ACVR1: variants seen among roughly 807,000 people sequenced by gnomAD.
ACVR1 encodes activin A receptor type 1, also known as activin receptor type-1.
A neutral mutation model predicts 57.1 loss-of-function variants in ACVR1; 38 were observed. That is an observed-to-expected ratio of 0.67 (90% CI 0.51 to 0.87). The LOEUF (loss-of-function observed/expected upper bound fraction) is 0.87. ACVR1 is among the 40% of genes least tolerant of loss of function. ACVR1 has a pLI of 0.00. For missense variants in ACVR1, 463 were observed against 638.2 expected (o/e 0.73, Z 2.96); for synonymous variants, 212 against 228.1 (o/e 0.93, Z 0.63).
At position 157,796,672 on chromosome 2, in the gene ACVR1, T is replaced by C. The variant is rs72923497; in HGVS notation, c.67+2755A>G. Among the ~76,000 whole-genome samples, 1,244 of 151,194 alleles carry C rather than the reference T, an allele frequency of 8.2e-3. 8 individuals are homozygous for C. Among genetic ancestry groups the C allele is most frequent in the Non-Finnish European group, 0.013 (858 of 67,752 alleles). ...CAATATTCCTTAGATTTTTAAATAA[T>C]AATCATTATTTACCAATTTAAAAGA... On this transcript the variant is annotated intron_variant, in intron 3 of 10. Transcript: ENST00000434821.
intron 3 of ACVR1, among the ~76,000 whole-genome samples, chr2:157,785,526 TC>T (rs1335246434): frequency 1.3e-5 from 2 of 152,104 alleles, no homozygotes; most frequent in Non-Finnish European, 2.9e-5. Flanking sequence ...GACACAAAGG[TC>T]CGTCTGGAAT....
chr2:157,820,497 G>C (rs1245503942), intron 1 of ACVR1, among the ~76,000 whole-genome samples: 2 of 152,146 alleles, frequency 1.3e-5, no homozygotes, highest in African/African-American at 4.8e-5. Context: ...CTGGTAGGAA[G>C]AGGTTTAGAT....
At chr2:157,799,571 C>A (rs1687251082) in intron 2 of ACVR1, 71 bp from the exon 3 acceptor site, 3 of 1,171,312 alleles carry the variant, frequency 2.6e-6, no homozygotes, top group East Asian at 4.7e-5. Context: ...TTAAGCATAC[C>A]ACCTTCAAAC....
Position 157,774,867 on chromosome 2 carries a change from A to T in ACVR1, c.544-680T>A, listed in dbSNP as rs1341861186. The stretch of plus-strand genomic sequence containing the variant: ...TGATCTCAAGGAAAGCAGTAGAGAG[A>T]ATAGCAGGTGGAACAGAAAAGGGTG... On this transcript the variant is annotated intron_variant, in intron 5 of 10. Transcript: ENST00000434821. Among the ~76,000 whole-genome samples the T allele has an allele frequency of 2.0e-5, 3 of 150,940 alleles. No individual in the cohort carries two copies. The East Asian group carries it at 5.9e-4, about 30-fold the overall frequency.
rs576815937 is a variant in ACVR1, at chr2:157,788,229, C to G, written c.68-7629G>C. Among the ~76,000 whole-genome samples, 10 of 152,262 alleles carry G rather than the reference C, an allele frequency of 6.6e-5. No individual in the cohort carries two copies. The South Asian group carries it at 1.5e-3, about 22-fold the overall frequency. On this transcript the variant is annotated intron_variant, in intron 3 of 10. Coordinates refer to ENST00000434821, the MANE Select transcript of ACVR1 (RefSeq NM_001111067.4). ...ACTACAGTAGTCCCCACTTATCCCC[C>G]CTTATGCACCGTTTCACTTTCCACT...
At chr2:157,786,209 T>C (rs543787320) in intron 3 of ACVR1, among the ~76,000 whole-genome samples, 2 of 152,356 alleles carry the variant, frequency 1.3e-5, no homozygotes, top group Middle Eastern at 3.4e-3. Context: ...GCTACAGCCA[T>C]ACTTGTGTCT....
At position 157,866,444 on chromosome 2, in the gene ACVR1, C is replaced by CGGGG. The variant is rs568810076; in HGVS notation, c.-183+9348_-183+9351dup. ...TCCTAAGCAAACAAGCCAAGGGAGG[C>CGGGG]GGGGGGGAAAGCTTCTCTGAATTTG... On this transcript the variant is annotated intron_variant, in intron 1 of 10. Transcript: ENST00000434821. Among the ~76,000 whole-genome samples, 23 of 151,784 alleles carry CGGGG rather than the reference C, an allele frequency of 1.5e-4. 1 individual carries two copies. The East Asian group carries it at 3.9e-3, about 26-fold the overall frequency.
At chr2:157,806,400 C>G (rs752130052) in intron 2 of ACVR1, among the ~76,000 whole-genome samples, 6 of 152,104 alleles carry the variant, frequency 3.9e-5, no homozygotes, top group Non-Finnish European at 5.9e-5. Context: ...TCCTCCATCC[C>G]TACTCTTCAG....
At chr2:157,777,180 A>G (rs754876686) in intron 5 of ACVR1, among the ~76,000 whole-genome samples, 9 of 152,236 alleles carry the variant, frequency 5.9e-5, no homozygotes, top group Non-Finnish European at 8.8e-5. Flanking sequence ...GCAATTTTAA[A>G]AGGTAAATAG....
intron 9 of ACVR1, among the ~76,000 whole-genome samples, chr2:157,750,170 C>T (rs1685129042): frequency 6.6e-6 from 1 of 152,216 alleles, no homozygotes; most frequent in African/African-American, 2.4e-5. Flanking sequence ...AAGCTTGCTG[C>T]CTGGAGGCCC....
intron 6 of ACVR1, among the ~76,000 whole-genome samples, chr2:157,772,321 A>T (rs1379078510): frequency 6.6e-6 from 1 of 151,912 alleles, no homozygotes; most frequent in African/African-American, 2.4e-5. Context: ...TCCAGAAATG[A>T]CTCCCCTAAC....
At chr2:157,749,113 T>C (rs565283913) in intron 9 of ACVR1, among the ~76,000 whole-genome samples, 26 of 152,352 alleles carry the variant, frequency 1.7e-4, no homozygotes, top group African/African-American at 5.8e-4. Context: ...TGTGAAGATA[T>C]GAAGAGGTTC....
intron 1 of ACVR1, among the ~76,000 whole-genome samples, chr2:157,858,888 G>C (rs1017570259): frequency 3.9e-5 from 6 of 152,112 alleles, no homozygotes; most frequent in African/African-American, 9.7e-5. Context: ...CTAAGTGCTA[G>C]AATTACAAGC....
intron 2 of ACVR1, among the ~76,000 whole-genome samples, chr2:157,816,549 A>G (rs1220737251): frequency 6.6e-6 from 1 of 152,032 alleles, no homozygotes; most frequent in Admixed American, 6.6e-5. Context: ...GCGTGCCATG[A>G]TTGCATCACT....
chr2:157,768,757 T>C (rs1685968435), intron 7 of ACVR1, among the ~76,000 whole-genome samples: 1 of 152,220 alleles, frequency 6.6e-6, no homozygotes, highest in Non-Finnish European at 1.5e-5. Context: ...TGATGTAATT[T>C]CCACCTCCAC....
At chr2:157,812,162 T>A (rs1687774217) in intron 2 of ACVR1, among the ~76,000 whole-genome samples, 1 of 152,218 alleles carries the variant, frequency 6.6e-6, no homozygotes, top group Admixed American at 6.5e-5. Context: ...GCAGTGAGCA[T>A]CCCTGGTGCC....
chr2:157,746,734 A>G (rs983152024), intron 9 of ACVR1, among the ~76,000 whole-genome samples: 1 of 152,250 alleles, frequency 6.6e-6, no homozygotes, highest in Non-Finnish European at 1.5e-5. Context: ...ATTCCAGTTT[A>G]AAAACTATCG....
chr2:157,804,206 G>A (rs2105311692), intron 2 of ACVR1, among the ~76,000 whole-genome samples: 1 of 152,242 alleles, frequency 6.6e-6, no homozygotes, highest in South Asian at 2.1e-4. Flanking sequence ...TAAATGCTCA[G>A]TCTTTGTACT....
chr2:157,752,656 A>G (rs1053385891), intron 9 of ACVR1, among the ~76,000 whole-genome samples: 1 of 152,198 alleles, frequency 6.6e-6, no homozygotes, highest in African/African-American at 2.4e-5. Context: ...TCCTTAAACA[A>G]AACAATTATG....
Sources: allele counts gnomAD v4.1 joint callset (sites outside exome capture counted in the v4.1 genomes callset), GRCh38; gene constraint gnomAD v4.1.1; transcripts MANE v1.5; gene names NCBI Gene and HGNC (gene_info 2026-07-23, HGNC 2026-07-21).